The following DNMBP variants were observed in gnomAD, a reference collection of about 807,000 sequenced individuals.
DNMBP encodes dynamin-binding protein.
A neutral mutation model predicts 150.0 loss-of-function variants in DNMBP; 87 were observed. The observed-to-expected ratio is 0.58, with a 90% confidence interval of 0.49 to 0.69. DNMBP has a LOEUF of 0.69. DNMBP is among the 30% of genes least tolerant of loss of function. The pLI is 0.00. For missense variants in DNMBP, 1,774 were observed against 1,949.0 expected, an observed-to-expected ratio of 0.91 and a Z score of 1.69; for synonymous variants, 711 against 750.4, an observed-to-expected ratio of 0.95 and a Z score of 0.86.
intron 9 of DNMBP, 30 bp downstream of exon 9, chr10:99,898,056 C>A (rs764072823): frequency 7.0e-6 from 11 of 1,579,162 alleles, no homozygotes; most frequent in Non-Finnish European, 6.1e-6. Context: ...AAAGGGCATA[C>A]CTCCTTTTCA....
At chr10:100,006,012 G>A (rs181007467) in intron 1 of DNMBP, among the ~76,000 whole-genome samples, 13 of 152,136 alleles carry the variant, frequency 8.5e-5, no homozygotes, top group African/African-American at 9.6e-5. Flanking sequence ...TATGACCTAC[G>A]ATAAACACAG....
At chr10:99,946,414 C>A (rs1204961099) in intron 4 of DNMBP, among the ~76,000 whole-genome samples, 1 of 152,186 alleles carries the variant, frequency 6.6e-6, no homozygotes, top group Non-Finnish European at 1.5e-5. Flanking sequence ...TATTTAAAGG[C>A]ATGTAAACCA....
intron 4 of DNMBP, among the ~76,000 whole-genome samples, chr10:99,941,572 G>A (rs1024459812): frequency 3.4e-4 from 51 of 151,954 alleles, no homozygotes; most frequent in African/African-American, 1.2e-3. Flanking sequence ...AGATTCAAGC[G>A]GTTCTCCTGC....
At position 99,907,908 on chromosome 10, in the gene DNMBP, T is replaced by C. The variant is rs1337708948; in HGVS notation, c.2554+87A>G. The C allele has an allele frequency of 2.4e-4, 218 of 909,066 alleles. 1 individual carries two copies. Among genetic ancestry groups the C allele is most frequent in the Non-Finnish European group, 3.0e-5 (17 of 563,968 alleles). 56.3% of individuals were successfully genotyped at this position (909,066 alleles called of 1,614,324 possible). The stretch of plus-strand genomic sequence containing the variant: ...CTACACCTGTATCTTCCCGGAGGCA[T>C]AGTTACTCAGTATCAGGAAGGCCAC... On this transcript the variant is annotated intron_variant, in intron 6 of 16. Transcript: ENST00000324109.
At chr10:99,965,112 A>G (rs2040607405) in intron 3 of DNMBP, among the ~76,000 whole-genome samples, 1 of 152,156 alleles carries the variant, frequency 6.6e-6, no homozygotes, top group South Asian at 2.1e-4. Flanking sequence ...GTTAAGACTA[A>G]TAAGAATAGC....
chr10:99,934,064 A>G (rs992529525), intron 4 of DNMBP, among the ~76,000 whole-genome samples: 1 of 152,112 alleles, frequency 6.6e-6, no homozygotes, highest in African/African-American at 2.4e-5. Context: ...CCAACTTCTG[A>G]CCAAGGGATA....
intron 1 of DNMBP, among the ~76,000 whole-genome samples, chr10:99,998,514 A>C (rs1480759203): frequency 6.9e-6 from 1 of 145,524 alleles, no homozygotes; most frequent in Non-Finnish European, 1.5e-5. Context: ...CAGGAGGCAA[A>C]GGTTGCAGTG....
At chr10:99,966,178 A>T (rs2040617219) in intron 3 of DNMBP, among the ~76,000 whole-genome samples, 1 of 148,676 alleles carries the variant, frequency 6.7e-6, no homozygotes, top group Non-Finnish European at 1.5e-5. Context: ...AGACAGAGCT[A>T]AAAAAAAAAC....
At chr10:99,911,219 TA>T (rs61149144) in intron 4 of DNMBP, among the ~76,000 whole-genome samples, 10 of 142,412 alleles carry the variant, frequency 7.0e-5, no homozygotes, top group East Asian at 2.1e-4. Flanking sequence ...CCAGCCTGAG[TA>T]AAAAAAAAAT....
chr10:99,973,570 C>G (rs769741677), intron 1 of DNMBP, among the ~76,000 whole-genome samples: 27 of 152,222 alleles, frequency 1.8e-4, no homozygotes, highest in Non-Finnish European at 2.9e-5. Context: ...CTCACAGCAG[C>G]AGGGCCAGAA....
At chr10:99,898,332 C>T (rs762108944) in intron 8 of DNMBP, 47 bp from the exon 9 acceptor site, 5 of 1,516,588 alleles carry the variant, frequency 3.3e-6, no homozygotes, top group Admixed American at 1.7e-5. Flanking sequence ...AATAATATAG[C>T]GCCCAGCCTG....
chr10:99,933,975 A>C (rs1458862146), intron 4 of DNMBP, among the ~76,000 whole-genome samples: 1 of 152,116 alleles, frequency 6.6e-6, no homozygotes, highest in Admixed American at 6.5e-5. Context: ...TGACCTCATG[A>C]TCCCCCTGCC....
intron 1 of DNMBP, among the ~76,000 whole-genome samples, chr10:99,975,354 T>C (rs2040717346): frequency 8.3e-6 from 1 of 121,050 alleles, no homozygotes; most frequent in Admixed American, 8.1e-5. Flanking sequence ...AGCAAAACTA[T>C]GTCTCAAAAA....
intron 4 of DNMBP, among the ~76,000 whole-genome samples, chr10:99,943,785 T>A (rs996938319): frequency 1.3e-5 from 2 of 152,214 alleles, no homozygotes; most frequent in Non-Finnish European, 2.9e-5. Flanking sequence ...AGTTACACTT[T>A]AAAATTTTAA....
At chr10:99,937,438 G>A (rs770594726) in intron 4 of DNMBP, among the ~76,000 whole-genome samples, 2 of 152,136 alleles carry the variant, frequency 1.3e-5, no homozygotes, top group Admixed American at 6.5e-5. Context: ...AACAATCTGC[G>A]AGTGTGAATA....
intron 3 of DNMBP, among the ~76,000 whole-genome samples, chr10:99,963,338 T>C (rs2040583792): frequency 1.3e-5 from 2 of 151,250 alleles, no homozygotes; most frequent in South Asian, 4.2e-4. Flanking sequence ...CCTAAACTGC[T>C]GAGATTAAAG....
rs780955774 is a variant in DNMBP at position 99,877,255 on chromosome 10, C to T, written c.4630G>A (p.Glu1544Lys). The T allele has an allele frequency of 9.2e-5, 149 of 1,613,840 alleles. No homozygotes were observed. Among genetic ancestry groups the T allele is most frequent in the Non-Finnish European group, 1.1e-4 (129 of 1,180,012 alleles). Residue 1544 changes from glutamate to lysine, a missense_variant, in exon 17 of 17, where the codon GAG becomes AAG. Glu to Lys is a moderately conservative substitution (Grantham distance 56). This residue lies in a region of DNMBP where 1,430 missense variants were observed against 1,492.5 expected (regional missense o/e 0.96). Coordinates refer to ENST00000324109, the MANE Select transcript of DNMBP (RefSeq NM_015221.4). The stretch of plus-strand genomic sequence containing the variant: ...GTATTTCCTGTAACATCTTTAAACT[C>T]GAGGATCTTGAGTTTCTGATTGGCT... ...VSANQKLKIL[E>K]FKDVTGNTEW...
chr10:99,983,961 C>T (rs1341755712), intron 1 of DNMBP, among the ~76,000 whole-genome samples: 1 of 152,208 alleles, frequency 6.6e-6, no homozygotes, highest in African/African-American at 2.4e-5. Context: ...CTTATCTAAA[C>T]CACCCGAACA....
intron 2 of DNMBP, 123 bp downstream of exon 2, chr10:99,971,856 CT>C: frequency 1.1e-6 from 1 of 941,820 alleles, no homozygotes; most frequent in South Asian, 1.8e-5. Context: ...TTCTTTCTTT[CT>C]TTCTTTTTTT....
Sources: allele counts gnomAD v4.1 joint callset (sites outside exome capture counted in the v4.1 genomes callset), GRCh38; gene constraint gnomAD v4.1.1; regional missense constraint gnomAD v4.1.1; transcripts MANE v1.5; gene names NCBI Gene and HGNC (gene_info 2026-07-23, HGNC 2026-07-21).